The following MEIS1 variants were observed in gnomAD, a reference collection of about 807,000 sequenced individuals.
MEIS1 encodes Meis homeobox 1.
In MEIS1, 5 loss-of-function variants were observed where a neutral mutation model predicts 50.8. The observed-to-expected ratio is 0.10, with a 90% CI of 0.05 to 0.21. The LOEUF (loss-of-function observed/expected upper bound fraction) is 0.21, where lower values mean the gene tolerates loss of function less well. Ranked by LOEUF, MEIS1 falls within the 10% of genes least tolerant of loss-of-function variation. The probability of loss-of-function intolerance (pLI) is 1.00; values close to 1 mark genes in which losing one functional copy is unlikely to be tolerated. For missense variants in MEIS1, 318 were observed against 517.3 expected, an observed-to-expected ratio of 0.61 and a Z score of 3.74; for synonymous variants, 176 against 179.3, an observed-to-expected ratio of 0.98 and a Z score of 0.15.
chr2:66,567,899 A>G, intron 10 of MEIS1: 1 of 438,178 alleles, frequency 2.3e-6, no homozygotes, highest in Non-Finnish European at 4.2e-6. Flanking sequence ...CAAAAGGGCA[A>G]AGGGGTCAGG....
chr2:66,458,999 C>T (rs1417750010), intron 6 of MEIS1, among the ~76,000 whole-genome samples: 1 of 152,132 alleles, frequency 6.6e-6, no homozygotes, highest in Non-Finnish European at 1.5e-5. Context: ...GATTTCAAAA[C>T]ATTCATAGTG....
intron 7 of MEIS1, among the ~76,000 whole-genome samples, chr2:66,497,474 A>G (rs1417932248): frequency 6.6e-6 from 1 of 152,224 alleles, no homozygotes; most frequent in Admixed American, 6.5e-5. Flanking sequence ...CTTATTGTCT[A>G]GAGAAGAGAT....
chr2:66,469,113 A>G (rs928671370), intron 7 of MEIS1, among the ~76,000 whole-genome samples: 10 of 152,102 alleles, frequency 6.6e-5, no homozygotes, highest in African/African-American at 2.4e-4. Context: ...AAGGCTTTTA[A>G]TGATTGCTGG....
chr2:66,559,110 C>T (rs911510936), intron 9 of MEIS1, among the ~76,000 whole-genome samples: 10 of 130,764 alleles, frequency 7.6e-5, no homozygotes, highest in African/African-American at 2.7e-4. Context: ...CCACTGCACT[C>T]CAGCCTGGGT....
At chr2:66,497,606 C>T (rs1673438289) in intron 7 of MEIS1, among the ~76,000 whole-genome samples, 1 of 152,126 alleles carries the variant, frequency 6.6e-6, no homozygotes, top group Non-Finnish European at 1.5e-5. Flanking sequence ...TTAAAAACTG[C>T]TGCAGAGGCT....
chr2:66,571,391 A>G lies in MEIS1; in HGVS notation c.*183A>G. 1 of 1,604,390 alleles carries G rather than the reference A, an allele frequency of 6.2e-7. No homozygotes were observed. Among genetic ancestry groups the G allele is most frequent in the Non-Finnish European group, 8.5e-7 (1 of 1,175,678 alleles). ...CCCCCATGCATACGTACATTCCTGG[A>G]CACCCTCACCACCCAACAGTGATGA... On this transcript the variant is annotated 3_prime_UTR_variant, in exon 13 of 13. Coordinates refer to ENST00000272369, the MANE Select transcript of MEIS1 (RefSeq NM_002398.3).
intron 8 of MEIS1, among the ~76,000 whole-genome samples, chr2:66,533,994 C>G (rs964953857): frequency 6.6e-6 from 1 of 152,014 alleles, no homozygotes; most frequent in Non-Finnish European, 1.5e-5. Context: ...ATAGATTAGC[C>G]CAATCTTAAG....
intron 9 of MEIS1, among the ~76,000 whole-genome samples, chr2:66,554,530 A>G (rs566655455): frequency 6.6e-6 from 1 of 152,158 alleles, no homozygotes; most frequent in South Asian, 2.1e-4. Flanking sequence ...ACACAGGGCA[A>G]GTATGGGAAG....
At chr2:66,565,411 A>C (rs184391992) in intron 9 of MEIS1, among the ~76,000 whole-genome samples, 63 of 152,322 alleles carry the variant, frequency 4.1e-4, no homozygotes, top group African/African-American at 1.5e-3. Context: ...GGTTGCTGCC[A>C]GTGGTAATTG....
chr2:66,440,733 T>G, intron 4 of MEIS1, 121 bp downstream of exon 4: 2 of 640,670 alleles, frequency 3.1e-6, no homozygotes, highest in Non-Finnish European at 5.5e-6. Flanking sequence ...GCCTGCAGGT[T>G]GGCTGCAAAT....
At chr2:66,488,268 A>AAAG (rs1673188315) in intron 7 of MEIS1, among the ~76,000 whole-genome samples, 1 of 152,226 alleles carries the variant, frequency 6.6e-6, no homozygotes, top group African/African-American at 2.4e-5. Context: ...CCATCAAAAG[A>AAAG]AAGACCATTT....
At chr2:66,548,090 A>C in intron 9 of MEIS1, 71 bp downstream of exon 9, 2 of 1,491,022 alleles carry the variant, frequency 1.3e-6, no homozygotes, top group Non-Finnish European at 1.9e-6. Flanking sequence ...CATGTTTTGC[A>C]TTAAGAAGAC....
At chr2:66,531,092 A>G (rs1375913693) in intron 8 of MEIS1, among the ~76,000 whole-genome samples, 1 of 152,188 alleles carries the variant, frequency 6.6e-6, no homozygotes, top group Non-Finnish European at 1.5e-5. Context: ...GAACAATCTC[A>G]GATATGTTCT....
At chr2:66,475,636 G>T (rs1280146768) in intron 7 of MEIS1, among the ~76,000 whole-genome samples, 3 of 152,242 alleles carry the variant, frequency 2.0e-5, no homozygotes, top group Middle Eastern at 3.4e-3. Flanking sequence ...AACATCCATG[G>T]AAGTTGCTCA....
intron 1 of MEIS1, chr2:66,436,781 T>C (rs1374291282): frequency 2.8e-6 from 2 of 702,202 alleles, no homozygotes; most frequent in Non-Finnish European, 3.5e-6. Context: ...CTCCAAATCT[T>C]GGGAAAATAA....
At chr2:66,447,195 T>G (rs1325161120) in intron 6 of MEIS1, among the ~76,000 whole-genome samples, 1 of 152,168 alleles carries the variant, frequency 6.6e-6, no homozygotes, top group Non-Finnish European at 1.5e-5. Flanking sequence ...TTCCTTGTCA[T>G]CCAATAAGAA....
rs1675521070 is a variant in MEIS1, at chr2:66,573,652, A to G, written c.*2444A>G. ...TTTCTAAACACGTGGATGCGCAGAG[A>G]GCAAGGCTCAGCCTACTGCAGCCAT... On this transcript the variant is annotated 3_prime_UTR_variant, in exon 13 of 13. Coordinates refer to ENST00000272369, the MANE Select transcript of MEIS1 (RefSeq NM_002398.3). 1 of 152,174 alleles carries G rather than the reference A, an allele frequency of 6.6e-6. No homozygotes were observed. Among genetic ancestry groups the G allele is most frequent in the Non-Finnish European group, 1.5e-5 (1 of 68,054 alleles). 9.4% of individuals were successfully genotyped at this position (152,174 alleles called of 1,614,324 possible).
intron 9 of MEIS1, among the ~76,000 whole-genome samples, chr2:66,558,293 A>G (rs1370222329): frequency 6.7e-6 from 1 of 150,182 alleles, no homozygotes; most frequent in East Asian, 1.9e-4. Context: ...AAAAAAAAAA[A>G]AAAAAAAAAA....
Position 66,464,141 on chromosome 2 carries a change from A to G in MEIS1, c.663A>G (p.Ala221=), listed in dbSNP as rs1178558357. The part of the protein sequence containing the change: ...PSWNRDHDDT[A]STRSGGTPGP... The stretch of plus-strand genomic sequence containing the variant: ...GGAACAGAGATCATGATGACACGGC[A>G]TCTACTCGTTCAGGAGGAACCCCAG... The change falls in exon 7 of 13, where the codon GCA becomes GCG. Residue 221 remains alanine, a synonymous_variant. Transcript: ENST00000272369. 1.2e-6 allele frequency: 2 copies of G among 1,604,614 alleles called. No individual in the cohort carries two copies. Among genetic ancestry groups the G allele is most frequent in the Non-Finnish European group, 8.5e-7 (1 of 1,175,770 alleles).
Sources: gnomAD v4.1 joint callset for allele counts (sites outside exome capture counted in the v4.1 genomes callset) on GRCh38, gnomAD v4.1.1 for gene constraint, MANE v1.5 for transcripts, NCBI Gene and HGNC (gene_info 2026-07-23, HGNC 2026-07-21) for gene names.